The following KAT2B variants were observed in gnomAD, a reference collection of about 807,000 sequenced individuals.
KAT2B encodes the protein histone acetyltransferase KAT2B.
KAT2B carries 36 observed loss-of-function variants against 105.9 expected under a neutral mutation model. The observed-to-expected ratio is 0.34, with a 90% CI of 0.26 to 0.45. The LOEUF (loss-of-function observed/expected upper bound fraction) is 0.45. Among genes scored for constraint, KAT2B ranks in the 20% least tolerant of loss-of-function variants. The pLI is 1.00. For synonymous variants in KAT2B, 397 were observed against 377.9 expected, an observed-to-expected ratio of 1.05 and a Z score of -0.59; for missense variants, 820 against 1,021.6, an observed-to-expected ratio of 0.80 and a Z score of 2.69.
At chr3:20,142,087 G>T (rs1699704237) in intron 13 of KAT2B, among the ~76,000 whole-genome samples, 1 of 152,134 alleles carries the variant, frequency 6.6e-6, no homozygotes, top group East Asian at 1.9e-4. Flanking sequence ...CATCCCCACG[G>T]TGTTAGCTGA....
chr3:20,120,730 A>G (rs1391311662), intron 8 of KAT2B, among the ~76,000 whole-genome samples: 1 of 152,172 alleles, frequency 6.6e-6, no homozygotes, highest in African/African-American at 2.4e-5. Flanking sequence ...TTGAGCCTAG[A>G]AGCATTTCAC....
chr3:20,142,362 C>A (rs1699708708), intron 13 of KAT2B, among the ~76,000 whole-genome samples: 1 of 152,116 alleles, frequency 6.6e-6, no homozygotes, highest in African/African-American at 2.4e-5. Flanking sequence ...TCTGAAGTCA[C>A]TTCAATAAAA....
intron 11 of KAT2B, among the ~76,000 whole-genome samples, chr3:20,128,735 C>T (rs1016653463): frequency 2.6e-5 from 4 of 152,076 alleles, no homozygotes; most frequent in African/African-American, 9.7e-5. Context: ...TAGGGCTGGG[C>T]AGTGGCTCAC....
chr3:20,087,413 G>A (rs1027137008), intron 2 of KAT2B, among the ~76,000 whole-genome samples: 13 of 151,458 alleles, frequency 8.6e-5, no homozygotes, highest in South Asian at 2.1e-4. Context: ...TATATTTATC[G>A]TGTATAATGT....
At chr3:20,081,418 G>A (rs1356159625) in intron 2 of KAT2B, among the ~76,000 whole-genome samples, 1 of 152,152 alleles carries the variant, frequency 6.6e-6, no homozygotes, top group African/African-American at 2.4e-5. Context: ...GTCACACGGC[G>A]GGTCACTCTC....
At chr3:20,094,662 G>A (rs1332246644) in intron 2 of KAT2B, among the ~76,000 whole-genome samples, 2 of 152,092 alleles carry the variant, frequency 1.3e-5, no homozygotes, top group Admixed American at 6.6e-5. Flanking sequence ...GCTGGATCAC[G>A]GAGGATGTTG....
chr3:20,081,081 G>C (rs375377593), intron 2 of KAT2B, among the ~76,000 whole-genome samples: 3 of 152,192 alleles, frequency 2.0e-5, no homozygotes, highest in African/African-American at 7.2e-5. Context: ...TTGCACATTA[G>C]TCAATTTGAC....
intron 13 of KAT2B, among the ~76,000 whole-genome samples, chr3:20,143,800 A>G (rs1285018568): frequency 6.6e-6 from 1 of 152,210 alleles, no homozygotes; most frequent in African/African-American, 2.4e-5. Context: ...AAAATACTGC[A>G]TGTTTTCTGT....
At chr3:20,140,045 G>C (rs1699670482) in intron 12 of KAT2B, among the ~76,000 whole-genome samples, 176 bp from the exon 13 acceptor site, 2 of 152,116 alleles carry the variant, frequency 1.3e-5, no homozygotes, top group Non-Finnish European at 2.9e-5. Flanking sequence ...TACACAGTTA[G>C]ATTTCTGGTG....
At chr3:20,072,952 A>G (rs1405442730) in intron 2 of KAT2B, among the ~76,000 whole-genome samples, 1 of 151,510 alleles carries the variant, frequency 6.6e-6, no homozygotes, top group Non-Finnish European at 1.5e-5. Flanking sequence ...GCTGCTCTTT[A>G]TTGTGTTTAT....
At chr3:20,127,861 T>C (rs998322659) in intron 11 of KAT2B, among the ~76,000 whole-genome samples, 15 of 152,334 alleles carry the variant, frequency 9.8e-5, no homozygotes, top group African/African-American at 3.4e-4. Context: ...CTTGCACGCA[T>C]AGTTCACAAT....
chr3:20,051,832 TG>T (rs1697920818), intron 1 of KAT2B, among the ~76,000 whole-genome samples: 1 of 152,236 alleles, frequency 6.6e-6, no homozygotes, highest in Non-Finnish European at 1.5e-5. Flanking sequence ...TTTCCGTAAT[TG>T]GTATATTTAA....
chr3:20,071,007 T>TAAA lies in KAT2B; in HGVS notation c.304-1325_304-1324insAAA, dbSNP rs202027627. Among the ~76,000 whole-genome samples, 302 of 83,430 alleles carry TAAA rather than the reference T, an allele frequency of 3.6e-3. 1 individual carries two copies. The highest frequency in any genetic ancestry group is 0.014 in the African/African-American group (285 of 20,930). The allele number at this position is 83,430 out of a possible 152,430, so 54.7% of individuals were successfully genotyped here. The stretch of plus-strand genomic sequence containing the variant: ...CTGGGCAACACAGAGAGACTCTGTA[T>TAAA]ATAAAAAAAAAAAAACCAAAAAGTT... On this transcript the variant is annotated intron_variant, in intron 1 of 17. Coordinates refer to ENST00000263754, the MANE Select transcript of KAT2B (RefSeq NM_003884.5).
At chr3:20,041,572 C>T (rs1015870998) in intron 1 of KAT2B, among the ~76,000 whole-genome samples, 1 of 152,220 alleles carries the variant, frequency 6.6e-6, no homozygotes, top group African/African-American at 2.4e-5. Context: ...GCTGCAGATC[C>T]AGATGTGGAG....
chr3:20,087,562 T>C (rs1297230517), intron 2 of KAT2B, among the ~76,000 whole-genome samples: 1 of 152,130 alleles, frequency 6.6e-6, no homozygotes, highest in Non-Finnish European at 1.5e-5. Context: ...ATAATTACAA[T>C]GTATTATTAT....
chr3:20,102,718 A>C (rs1698931647), intron 5 of KAT2B, among the ~76,000 whole-genome samples: 1 of 152,198 alleles, frequency 6.6e-6, no homozygotes, highest in Non-Finnish European at 1.5e-5. Flanking sequence ...TTTCATCTGA[A>C]GGACTGTGAC....
intron 3 of KAT2B, among the ~76,000 whole-genome samples, chr3:20,096,778 A>G (rs1387861733): frequency 6.6e-6 from 1 of 151,980 alleles, no homozygotes; most frequent in African/African-American, 2.4e-5. Context: ...CTTTGTCTGA[A>G]CTTATTTGAT....
chr3:20,084,154 A>G (rs1698572800), intron 2 of KAT2B, among the ~76,000 whole-genome samples: 1 of 152,174 alleles, frequency 6.6e-6, no homozygotes, highest in South Asian at 2.1e-4. Context: ...ACGTATTTAT[A>G]TAGTGTAGTC....
chr3:20,150,789 TC>T (rs781036971), intron 17 of KAT2B, among the ~76,000 whole-genome samples: 1 of 150,784 alleles, frequency 6.6e-6, no homozygotes, highest in Non-Finnish European at 1.5e-5. Flanking sequence ...TTAGGCTCTC[TC>T]CATCTTTTCT....
Sources: gnomAD v4.1 joint callset for allele counts (sites outside exome capture counted in the v4.1 genomes callset) on GRCh38, gnomAD v4.1.1 for gene constraint, MANE v1.5 for transcripts, NCBI Gene and HGNC (gene_info 2026-07-23, HGNC 2026-07-21) for gene names.